The following PTCSC3 variants were observed in gnomAD, a reference collection of about 807,000 sequenced individuals.
The protein encoded by PTCSC3 is papillary thyroid carcinoma susceptibility candidate 3, also known as papillary thyroid carcinoma susceptibility candidate 3 (non-protein coding).
intron 1 of PTCSC3, among the ~76,000 whole-genome samples, chr14:36,165,580 A>G (rs2139110273): frequency 6.6e-6 from 1 of 152,326 alleles, no homozygotes; most frequent in African/African-American, 2.4e-5. Flanking sequence ...ATGGGTCAAA[A>G]AGAGAGATGA....
intron 3 of PTCSC3, among the ~76,000 whole-genome samples, chr14:36,144,909 TG>T (rs1490176543): frequency 2.6e-5 from 1 of 39,010 alleles, no homozygotes; most frequent in African/African-American, 8.4e-5. Flanking sequence ...CTGCATCTAT[TG>T]AGATAATCAT....
intron 3 of PTCSC3, among the ~76,000 whole-genome samples, chr14:36,147,262 C>G (rs1443904336): frequency 6.6e-6 from 1 of 152,170 alleles, no homozygotes; most frequent in African/African-American, 2.4e-5. Flanking sequence ...GCATGTTTTC[C>G]AATTTGGTTC....
chr14:36,154,054 G>A (rs1881778032), intron 2 of PTCSC3, among the ~76,000 whole-genome samples: 1 of 132,426 alleles, frequency 7.6e-6, no homozygotes, highest in African/African-American at 2.8e-5. Context: ...GTGACACAGT[G>A]GGACCCTGTC....
intron 2 of PTCSC3, among the ~76,000 whole-genome samples, chr14:36,161,752 T>C (rs1027834945): frequency 3.9e-5 from 6 of 152,220 alleles, no homozygotes; most frequent in African/African-American, 1.4e-4. Flanking sequence ...TTGAACGCTG[T>C]GCTGGAAGAT....
intron 3 of PTCSC3, among the ~76,000 whole-genome samples, chr14:36,139,250 A>T (rs186381507): frequency 5.3e-5 from 8 of 152,314 alleles, no homozygotes; most frequent in African/African-American, 1.7e-4. Flanking sequence ...TATCCATGCA[A>T]TGTAATACTG....
intron 3 of PTCSC3, among the ~76,000 whole-genome samples, chr14:36,146,997 C>G (rs1383186046): frequency 1.3e-5 from 2 of 152,228 alleles, no homozygotes; most frequent in Non-Finnish European, 2.9e-5. Context: ...GGCCCCCACT[C>G]TCTTCTGACT....
chr14:36,175,874 A>G (rs1287278447), intron 1 of PTCSC3, among the ~76,000 whole-genome samples: 1 of 152,206 alleles, frequency 6.6e-6, no homozygotes, highest in Non-Finnish European at 1.5e-5. Flanking sequence ...TTCTTCCAGA[A>G]TTAAACAGGT....
chr14:36,173,674 A>G lies in PTCSC3; in HGVS notation n.171+2624T>C, dbSNP rs565022253. Among the ~76,000 whole-genome samples the G allele has an allele frequency of 3.3e-5, 5 of 152,172 alleles. No homozygotes were observed. In the South Asian group the frequency reaches 1.0e-3, roughly 32 times the overall value. ...CTAAAACTGTTCATGTTTCTGATGA[A>G]GATGCTGCCTATCTTATTTAACATT... On this transcript the variant is annotated intron_variant and non_coding_transcript_variant, in intron 1 of 3. Transcript: ENST00000556013.
chr14:36,162,209 G>T (rs1433622549), intron 2 of PTCSC3, among the ~76,000 whole-genome samples: 2 of 147,346 alleles, frequency 1.4e-5, no homozygotes, highest in Admixed American at 6.9e-5. Context: ...TCTTTCCAGG[G>T]GAGTGAACAG....
Position 36,168,360 on chromosome 14 carries a change from AATATATATATATATATATATAT to A in PTCSC3, n.172-5699_172-5678del, listed in dbSNP as rs147400390. Among the ~76,000 whole-genome samples the A allele has an allele frequency of 1.4e-4, 16 of 113,900 alleles. No individual in the cohort carries two copies. In the East Asian group the frequency reaches 2.0e-3, roughly 14 times the overall value. The allele number at this position is 113,900 out of a possible 152,430, so 74.7% of individuals were successfully genotyped here. On this transcript the variant is annotated intron_variant and non_coding_transcript_variant, in intron 1 of 3. Coordinates refer to ENST00000556013, the Ensembl canonical transcript of PTCSC3. ...TTGGGAGTTTAAACTATTGATTCTG[AATATATATATATATATATATAT>A]ATATATATATATATATTCTACTTTT...
At chr14:36,171,928 T>A (rs1882201572) in intron 1 of PTCSC3, among the ~76,000 whole-genome samples, 1 of 152,192 alleles carries the variant, frequency 6.6e-6, no homozygotes. Flanking sequence ...ACCTTTCCCA[T>A]CTGCCTTGTT....
intron 2 of PTCSC3, among the ~76,000 whole-genome samples, chr14:36,159,047 G>T (rs929572869): frequency 9.6e-6 from 1 of 104,064 alleles, no homozygotes; most frequent in Non-Finnish European, 2.7e-5. Context: ...GCATAGAGGT[G>T]TTTAAAGTAT....
chr14:36,157,443 C>T (rs1594452003), intron 2 of PTCSC3, among the ~76,000 whole-genome samples: 1 of 152,066 alleles, frequency 6.6e-6, no homozygotes, highest in South Asian at 2.1e-4. Context: ...GTTGCCATTG[C>T]TTTTGGTGTT....
At chr14:36,152,466 A>G (rs547828512) in intron 3 of PTCSC3, among the ~76,000 whole-genome samples, 1 of 151,702 alleles carries the variant, frequency 6.6e-6, no homozygotes, top group East Asian at 2.0e-4. Context: ...ATCCCATCAA[A>G]AAAAGGCATC....
chr14:36,147,951 G>T (rs1461887745), intron 3 of PTCSC3, among the ~76,000 whole-genome samples: 1 of 152,124 alleles, frequency 6.6e-6, no homozygotes, highest in East Asian at 1.9e-4. Context: ...CCTGCTCGGG[G>T]GGTGCCTCCC....
At chr14:36,147,505 T>C (rs1401407547) in intron 3 of PTCSC3, among the ~76,000 whole-genome samples, 4 of 152,244 alleles carry the variant, frequency 2.6e-5, no homozygotes, top group African/African-American at 9.6e-5. Flanking sequence ...CCTTGGTTTT[T>C]GGCTCCATCA....
chr14:36,143,104 G>A (rs1172599964), intron 3 of PTCSC3, among the ~76,000 whole-genome samples: 1 of 150,946 alleles, frequency 6.6e-6, no homozygotes, highest in African/African-American at 2.4e-5. Flanking sequence ...TGTGAATAGT[G>A]CCGCAATAAA....
intron 3 of PTCSC3, among the ~76,000 whole-genome samples, chr14:36,150,844 A>G (rs139648034): frequency 0.018 from 2,816 of 152,248 alleles, 82 homozygotes; most frequent in African/African-American, 0.061. Flanking sequence ...ACATTGGTGC[A>G]TTTATTCTAT....
At chr14:36,167,570 C>T (rs1187939758) in intron 1 of PTCSC3, among the ~76,000 whole-genome samples, 2 of 152,180 alleles carry the variant, frequency 1.3e-5, no homozygotes, top group East Asian at 1.9e-4. Flanking sequence ...TCCTAGTTCT[C>T]GATGTTATCC....
Sources: gnomAD v4.1 joint callset for allele counts (sites outside exome capture counted in the v4.1 genomes callset) on GRCh38, gnomAD v4.1.1 for gene constraint, MANE v1.5 for transcripts, NCBI Gene and HGNC (gene_info 2026-07-23, HGNC 2026-07-21) for gene names.